The following NT5DC1 variants were observed in gnomAD, a reference collection of about 807,000 sequenced individuals.
NT5DC1 encodes the protein 5'-nucleotidase domain containing 1.
In NT5DC1, 42 loss-of-function variants were observed where a neutral mutation model predicts 59.4. The ratio of observed to expected loss-of-function variants is 0.71; its 90% CI spans 0.55 to 0.92. The LOEUF is 0.92. Among genes scored for constraint, NT5DC1 ranks in the 40% least tolerant of loss-of-function variants. NT5DC1 has a pLI of 0.00. For synonymous variants in NT5DC1, 172 were observed against 188.1 expected (o/e 0.91, Z 0.70); for missense variants, 501 against 537.1 (o/e 0.93, Z 0.66).
At chr6:116,167,167 G>A (rs775802882) in intron 6 of NT5DC1, among the ~76,000 whole-genome samples, 26 of 141,570 alleles carry the variant, frequency 1.8e-4, no homozygotes, top group Non-Finnish European at 2.9e-4. Context: ...GACATACTTT[G>A]TACTTAAAAG....
At chr6:116,165,542 CT>C (rs1409863851) in intron 6 of NT5DC1, among the ~76,000 whole-genome samples, 1 of 152,162 alleles carries the variant, frequency 6.6e-6, no homozygotes, top group African/African-American at 2.4e-5. Flanking sequence ...TTAAAATTCT[CT>C]TTTCTATTTT....
chr6:116,111,052 G>C, intron 4 of NT5DC1, 96 bp downstream of exon 4: 1 of 806,604 alleles, frequency 1.2e-6, no homozygotes, highest in Non-Finnish European at 2.0e-6. Flanking sequence ...CCTTTCCCCT[G>C]CTGGGCAGGA....
rs1771859325 is a variant in NT5DC1, at chr6:116,246,903, C to G, written c.*2879C>G. On this transcript the variant is annotated 3_prime_UTR_variant, in exon 12 of 12. Coordinates refer to ENST00000319550, the MANE Select transcript of NT5DC1 (RefSeq NM_152729.3). ...ACTATCCTCAGAAATAATAGTAAAA[C>G]AGTGGTCATGAGTAGCCTCACTAGG... 1 of 152,172 alleles carries G rather than the reference C, an allele frequency of 6.6e-6. No individual in the cohort carries two copies. Among genetic ancestry groups the G allele is most frequent in the Non-Finnish European group, 1.5e-5 (1 of 68,020 alleles). 9.4% of individuals were successfully genotyped at this position (152,172 alleles called of 1,614,324 possible). A position where few individuals can be genotyped will look rare whatever the true frequency, so the allele number is the denominator to read the frequency against.
At chr6:116,206,300 C>T (rs1781447610) in intron 6 of NT5DC1, among the ~76,000 whole-genome samples, 2 of 151,940 alleles carry the variant, frequency 1.3e-5, no homozygotes, top group Non-Finnish European at 2.9e-5. Flanking sequence ...ATGTGTAAAG[C>T]ATTGTGCTAA....
chr6:116,100,877 C>T lies in NT5DC1; in HGVS notation c.-54C>T, dbSNP rs972131900. ...TCCTGTCCCGCAGCGTCCCGCCAGC[C>T]AGCTCCTTGCACCCTTCGCGGCCGA... On this transcript the variant is annotated 5_prime_UTR_variant, in exon 1 of 12. Coordinates refer to ENST00000319550, the MANE Select transcript of NT5DC1 (RefSeq NM_152729.3). 7 of 1,387,556 alleles carry T rather than the reference C, an allele frequency of 5.0e-6. No homozygotes were observed. The highest frequency in any genetic ancestry group is 1.5e-5 in the African/African-American group (1 of 66,910). 86.0% of individuals were successfully genotyped at this position (1,387,556 alleles called of 1,614,324 possible). A position where few individuals can be genotyped will look rare whatever the true frequency, so the allele number is the denominator to read the frequency against.
intron 6 of NT5DC1, among the ~76,000 whole-genome samples, chr6:116,135,874 C>T (rs484982): frequency 0.18 from 9,261 of 52,820 alleles, 505 homozygotes; most frequent in African/African-American, 0.26. Context: ...TATATATATA[C>T]ACACATACAC....
intron 6 of NT5DC1, among the ~76,000 whole-genome samples, chr6:116,156,865 C>T (rs1780207483): frequency 6.6e-6 from 1 of 152,196 alleles, no homozygotes; most frequent in South Asian, 2.1e-4. Flanking sequence ...CATTACATCA[C>T]AACTCTTGCC....
intron 6 of NT5DC1, among the ~76,000 whole-genome samples, chr6:116,175,436 T>C (rs79441059): frequency 7.2e-5 from 11 of 152,336 alleles, no homozygotes; most frequent in African/African-American, 1.9e-4. Flanking sequence ...ACTGAACTTA[T>C]TGGATCTGTG....
intron 1 of NT5DC1, among the ~76,000 whole-genome samples, 187 bp downstream of exon 1, chr6:116,101,210 G>T (rs1285492983): frequency 1.3e-5 from 2 of 152,204 alleles, no homozygotes; most frequent in Admixed American, 6.5e-5. Context: ...CGCCGGTGCC[G>T]TGGGGACCGG....
rs1771904730 is a variant in NT5DC1 at position 116,249,287 on chromosome 6, T to TCTAA, written c.*5266_*5269dup. On this transcript the variant is annotated 3_prime_UTR_variant, in exon 12 of 12. Coordinates refer to ENST00000319550, the MANE Select transcript of NT5DC1 (RefSeq NM_152729.3). ...TTTTAACTGTATGTTTAATTAAGTT[T>TCTAA]CTAACTCAAATGAGAAATTTTGGGC... is the stretch of plus-strand genomic sequence containing the variant. 1 of 152,254 alleles carries TCTAA rather than the reference T, an allele frequency of 6.6e-6. No homozygotes were observed. The highest frequency in any genetic ancestry group is 1.5e-5 in the Non-Finnish European group (1 of 68,048). The allele number at this position is 152,254 out of a possible 1,614,324, so 9.4% of individuals were successfully genotyped here.
intron 4 of NT5DC1, among the ~76,000 whole-genome samples, chr6:116,113,184 A>G (rs1299188844): frequency 6.6e-6 from 1 of 152,192 alleles, no homozygotes; most frequent in Non-Finnish European, 1.5e-5. Context: ...TAGCTCTGTT[A>G]TTTGCTGGAT....
intron 8 of NT5DC1, among the ~76,000 whole-genome samples, chr6:116,234,432 C>T (rs950717145): frequency 4.6e-5 from 7 of 151,780 alleles, no homozygotes; most frequent in Non-Finnish European, 7.4e-5. Context: ...CCTCTTTCTC[C>T]GGGCTGAAGC....
At chr6:116,121,979 C>T (rs1046636011) in intron 6 of NT5DC1, 2 of 1,603,420 alleles carry the variant, frequency 1.2e-6, no homozygotes, top group Non-Finnish European at 1.7e-6. Context: ...ACACACCCAA[C>T]ACACCCACCC....
chr6:116,236,876 A>G (rs750251134), intron 8 of NT5DC1, 90 bp from the exon 9 acceptor site: 2 of 752,302 alleles, frequency 2.7e-6, no homozygotes, highest in African/African-American at 1.7e-5. Flanking sequence ...TTGTTTGTAC[A>G]TGTCCTGTAG....
chr6:116,165,350 C>CTGGATTTCTTCCACA (rs1457174299), intron 6 of NT5DC1, among the ~76,000 whole-genome samples: 4 of 152,054 alleles, frequency 2.6e-5, no homozygotes, highest in Non-Finnish European at 2.9e-5. Flanking sequence ...CACTGGTGTT[C>CTGGATTTCTTCCACA]TGGATTTCTT....
intron 6 of NT5DC1, among the ~76,000 whole-genome samples, chr6:116,197,604 G>T (rs148557302): frequency 2.0e-5 from 3 of 152,182 alleles, no homozygotes; most frequent in African/African-American, 7.2e-5. Context: ...GCACCCAAAT[G>T]TCGGAGTTAG....
At chr6:116,231,039 G>A (rs1230960737) in intron 8 of NT5DC1, among the ~76,000 whole-genome samples, 1 of 145,868 alleles carries the variant, frequency 6.9e-6, no homozygotes, top group Non-Finnish European at 1.5e-5. Flanking sequence ...CCAGGAGGCA[G>A]AGGTTGCAGT....
chr6:116,249,288 C>T lies in NT5DC1; in HGVS notation c.*5264C>T, dbSNP rs1221400042. 2 of 152,202 alleles carry T rather than the reference C, an allele frequency of 1.3e-5. No individual in the cohort carries two copies. Among genetic ancestry groups the T allele is most frequent in the Non-Finnish European group, 2.9e-5 (2 of 68,028 alleles). The allele number at this position is 152,202 out of a possible 1,614,324, so 9.4% of individuals were successfully genotyped here. On this transcript the variant is annotated 3_prime_UTR_variant, in exon 12 of 12. Coordinates refer to ENST00000319550, the MANE Select transcript of NT5DC1 (RefSeq NM_152729.3). ...TTTAACTGTATGTTTAATTAAGTTTCTAACTCAAATGAGAAATTTTGGGCC... is the reference window on the plus strand; with the variant it reads ...TTTAACTGTATGTTTAATTAAGTTTTTAACTCAAATGAGAAATTTTGGGCC...
chr6:116,233,147 A>G (rs1483832956), intron 8 of NT5DC1, among the ~76,000 whole-genome samples: 1 of 152,224 alleles, frequency 6.6e-6, no homozygotes, highest in African/African-American at 2.4e-5. Context: ...ATATATTTTT[A>G]TAGAAAAATG....
Sources: allele counts gnomAD v4.1 joint callset (sites outside exome capture counted in the v4.1 genomes callset), GRCh38; gene constraint gnomAD v4.1.1; transcripts MANE v1.5; gene names NCBI Gene and HGNC (gene_info 2026-07-23, HGNC 2026-07-21).